The following BAZ1A variants were observed in gnomAD, a reference collection of about 807,000 sequenced individuals.
BAZ1A encodes bromodomain adjacent to zinc finger domain protein 1A.
A neutral mutation model predicts 185.2 loss-of-function variants in BAZ1A; 50 were observed. That is an observed-to-expected ratio of 0.27 (90% CI 0.22 to 0.34). The LOEUF (loss-of-function observed/expected upper bound fraction) is 0.34, where lower values mean the gene tolerates loss of function less well. BAZ1A is among the 10% of genes least tolerant of loss of function. The pLI is 1.00. For missense variants in BAZ1A, 1,356 were observed against 1,839.9 expected (o/e 0.74, Z 4.81); for synonymous variants, 571 against 615.6 (o/e 0.93, Z 1.07).
At chr14:34,799,330 C>A (rs1195632788) in intron 9 of BAZ1A, among the ~76,000 whole-genome samples, 2 of 151,824 alleles carry the variant, frequency 1.3e-5, no homozygotes, top group Non-Finnish European at 2.9e-5. Flanking sequence ...ACATGTATAC[C>A]TATGTAACAA....
intron 25 of BAZ1A, among the ~76,000 whole-genome samples, chr14:34,758,335 A>G (rs192607264): frequency 6.6e-6 from 1 of 151,364 alleles, no homozygotes; most frequent in African/African-American, 2.4e-5. Flanking sequence ...GAATCCCACC[A>G]CTTTGGGGGG....
chr14:34,787,363 A>AAAAAAAAAAAGAAAAG (rs775338809), intron 12 of BAZ1A, among the ~76,000 whole-genome samples: 7 of 112,810 alleles, frequency 6.2e-5, no homozygotes, highest in Admixed American at 1.1e-4. Context: ...AAAAAAAAAA[A>AAAAAAAAAAAGAAAAG]AAAAAGAAAA....
rs764322105 is a variant in BAZ1A at position 34,801,141 on chromosome 14, G to A, written c.914C>T (p.Thr305Ile). The A allele has an allele frequency of 6.2e-7, 1 of 1,604,188 alleles. No individual in the cohort carries two copies. The highest frequency in any genetic ancestry group is 8.5e-7 in the Non-Finnish European group (1 of 1,177,212). ...QTLASYRSKATKERDKLLKQE... is the reference protein window; with the variant it reads ...QTLASYRSKAIKERDKLLKQE... ...TTTCAAAAGTTTATCTCTTTCTTTAGTAGCTTTGCTCCTATAACTTGCAAG... is the reference window on the plus strand; with the variant it reads ...TTTCAAAAGTTTATCTCTTTCTTTAATAGCTTTGCTCCTATAACTTGCAAG... Residue 305 changes from threonine (T) to isoleucine (I), a missense_variant, in exon 8 of 27, where the codon ACT (threonine) becomes ATT (isoleucine). Around this residue, in one of 7 missense-constraint regions of BAZ1A, gnomAD observed 332 missense variants for 395.3 expected, o/e 0.84. Coordinates refer to ENST00000360310, the MANE Select transcript of BAZ1A (RefSeq NM_013448.3).
chr14:34,775,872 T>G, intron 18 of BAZ1A, 47 bp downstream of exon 18: 2 of 1,447,672 alleles, frequency 1.4e-6, no homozygotes, highest in East Asian at 2.3e-5. Flanking sequence ...TGACCAGAGA[T>G]TAGGGGGAGG....
Position 34,776,526 on chromosome 14 carries a change from A to T in BAZ1A, c.2237-11T>A. 1 of 1,524,376 alleles carries T rather than the reference A, an allele frequency of 6.6e-7. No individual in the cohort carries two copies. Among genetic ancestry groups the T allele is most frequent in the Non-Finnish European group, 8.9e-7 (1 of 1,127,868 alleles). The allele number at this position is 1,524,376 out of a possible 1,614,324, so 94.4% of individuals were successfully genotyped here. On this transcript the variant is annotated splice_polypyrimidine_tract_variant and intron_variant, in intron 17 of 26. Coordinates refer to ENST00000360310, the MANE Select transcript of BAZ1A (RefSeq NM_013448.3). ...TTTGTCCTCTTTTCCCTGTAATTAA[A>T]ATAAAATGTTTCATCATCATCATAT...
intron 2 of BAZ1A, among the ~76,000 whole-genome samples, chr14:34,872,913 TAAAAAAAAAAAAAA>T (rs35955993): frequency 0.015 from 1,180 of 76,202 alleles, 29 homozygotes; most frequent in Non-Finnish European, 0.021. Flanking sequence ...TTTAAAATCC[TAAAAAAAAAAAAAA>T]AAAAAAAAAA....
intron 23 of BAZ1A, among the ~76,000 whole-genome samples, chr14:34,763,035 T>C (rs1464275706): frequency 1.3e-5 from 2 of 152,208 alleles, no homozygotes; most frequent in Admixed American, 6.5e-5. Context: ...CCGTGGTTCC[T>C]GAATACCACG....
At chr14:34,872,461 C>A (rs755803533) in intron 2 of BAZ1A, among the ~76,000 whole-genome samples, 10 of 149,522 alleles carry the variant, frequency 6.7e-5, no homozygotes, top group Non-Finnish European at 1.0e-4. Flanking sequence ...AGAGTGGTGG[C>A]ATGCACCTGC....
In BAZ1A at chr14:34,864,792, T is replaced by TTA. The variant is rs397853526; in HGVS notation, c.114-2471_114-2470insTA. Among the ~76,000 whole-genome samples, 3 of 143,002 alleles carry TTA rather than the reference T, an allele frequency of 2.1e-5. No individual in the cohort carries two copies. The East Asian group carries it at 6.2e-4, about 30-fold the overall frequency. 93.8% of individuals were successfully genotyped at this position (143,002 alleles called of 152,430 possible). On this transcript the variant is annotated intron_variant, in intron 2 of 26. Coordinates refer to ENST00000360310, the MANE Select transcript of BAZ1A (RefSeq NM_013448.3). ...GCGCAATAAATTTTTTTTTTTTTTT[T>TTA]AAAGACAGAGTTCTCGCTCTGTCAC...
At chr14:34,774,280 C>A in intron 19 of BAZ1A, 47 bp downstream of exon 19, 1 of 1,529,352 alleles carries the variant, frequency 6.5e-7, no homozygotes. Flanking sequence ...GACCAAAATT[C>A]TGGACCAAGT....
chr14:34,772,535 A>G (rs534432673), intron 20 of BAZ1A, among the ~76,000 whole-genome samples: 1 of 152,244 alleles, frequency 6.6e-6, no homozygotes, highest in Non-Finnish European at 1.5e-5. Flanking sequence ...TTAAAGGCAT[A>G]TAATATCCAA....
chr14:34,835,418 T>C lies in BAZ1A; in HGVS notation c.393-9262A>G, dbSNP rs903501459. On this transcript the variant is annotated intron_variant, in intron 3 of 26. Transcript: ENST00000360310. ...AACCAGTAATGGTACAGCCAAAACTTTAACTGTGTGACTCTTAAGCCCATA... is the reference window on the plus strand; with the variant it reads ...AACCAGTAATGGTACAGCCAAAACTCTAACTGTGTGACTCTTAAGCCCATA... Among the ~76,000 whole-genome samples, 13 of 151,890 alleles carry C rather than the reference T, an allele frequency of 8.6e-5. 1 individual carries two copies. The highest frequency in any genetic ancestry group is 3.2e-4 in the African/African-American group (13 of 41,176).
intron 3 of BAZ1A, among the ~76,000 whole-genome samples, chr14:34,828,108 T>C (rs1476032646): frequency 6.6e-6 from 1 of 151,754 alleles, no homozygotes; most frequent in Non-Finnish European, 1.5e-5. Flanking sequence ...CAGCCTGACA[T>C]GGAGAAACCC....
At chr14:34,793,005 C>T in intron 11 of BAZ1A, 84 bp from the exon 12 acceptor site, 1 of 1,237,230 alleles carries the variant, frequency 8.1e-7, no homozygotes, top group Non-Finnish European at 1.1e-6. Context: ...ATGTAATCAA[C>T]AATAGTATGT....
At chr14:34,837,341 AAGCAATCCT>A (rs1242538090) in intron 3 of BAZ1A, among the ~76,000 whole-genome samples, 4 of 151,752 alleles carry the variant, frequency 2.6e-5, no homozygotes, top group Non-Finnish European at 4.4e-5. Flanking sequence ...TCCCAGTCTC[AAGCAATCCT>A]CTAACCTCAG....
Position 34,874,677 on chromosome 14 carries a change from G to C in BAZ1A, c.-58-15C>G. ...GCCCCGCTTCCCTATCAAAATTGGA[G>C]GGAAAGGAAAGCCGGTAAGGTGGGG... On this transcript the variant is annotated splice_polypyrimidine_tract_variant and intron_variant, in intron 1 of 26. Transcript: ENST00000360310. The surrounding 1 kb of genome is among the most constrained non-coding windows in gnomAD (Gnocchi z 4.7). 7.4e-7 allele frequency: 1 copy of C among 1,351,608 alleles called. No individual in the cohort carries two copies. Among genetic ancestry groups the C allele is most frequent in the Non-Finnish European group, 1.0e-6 (1 of 979,552 alleles). The allele number at this position is 1,351,608 out of a possible 1,614,324, so 83.7% of individuals were successfully genotyped here. A position where few individuals can be genotyped will look rare whatever the true frequency, so the allele number is the denominator to read the frequency against.
chr14:34,844,567 A>T (rs1414471775), intron 3 of BAZ1A, among the ~76,000 whole-genome samples: 2 of 151,958 alleles, frequency 1.3e-5, no homozygotes, highest in African/African-American at 2.4e-5. Flanking sequence ...ACGTGAGCCC[A>T]GGAGTTTGAG....
At position 34,850,082 on chromosome 14, in the gene BAZ1A, C is replaced by CA. The variant is rs949204477; in HGVS notation, c.392+11961dup. ...AATAGACATAAGCTATCCCTGTGAC[C>CA]AAAAAAAAAAGGTCAGGCCGGGCAT... On this transcript the variant is annotated intron_variant, in intron 3 of 26. Coordinates refer to ENST00000360310, the MANE Select transcript of BAZ1A (RefSeq NM_013448.3). Among the ~76,000 whole-genome samples the CA allele has an allele frequency of 5.7e-3, 839 of 146,718 alleles. 3 individuals carry two copies. The highest frequency in any genetic ancestry group is 8.7e-3 in the Admixed American group (128 of 14,710).
At chr14:34,870,382 A>G (rs2042931963) in intron 2 of BAZ1A, among the ~76,000 whole-genome samples, 1 of 152,204 alleles carries the variant, frequency 6.6e-6, no homozygotes, top group Non-Finnish European at 1.5e-5. Flanking sequence ...TAAGAAAATT[A>G]TCCAACTTCC....
Sources: allele counts gnomAD v4.1 joint callset (sites outside exome capture counted in the v4.1 genomes callset), GRCh38; gene constraint gnomAD v4.1.1; regional missense constraint gnomAD v4.1.1; non-coding constraint Gnocchi (gnomAD v3.1); transcripts MANE v1.5; gene names NCBI Gene and HGNC (gene_info 2026-07-23, HGNC 2026-07-21).